The following GOLGA5 variants were observed in gnomAD, a reference collection of about 807,000 sequenced individuals.
The protein encoded by GOLGA5 is golgin A5, also known as golgin subfamily A member 5.
Under a neutral mutation model 93.5 loss-of-function variants are expected in GOLGA5, and 50 were observed. The observed-to-expected ratio is 0.53, with a 90% CI of 0.43 to 0.68. GOLGA5 has a LOEUF of 0.68. GOLGA5 is among the 30% of genes least tolerant of loss of function. The probability of loss-of-function intolerance (pLI) is 0.00; values close to 1 mark genes in which losing one functional copy is unlikely to be tolerated. For synonymous variants in GOLGA5, 312 were observed against 304.5 expected (o/e 1.02, Z -0.26); for missense variants, 760 against 856.4 (o/e 0.89, Z 1.40).
At chr14:92,802,225 A>T (rs1003952885) in intron 2 of GOLGA5, among the ~76,000 whole-genome samples, 1 of 152,130 alleles carries the variant, frequency 6.6e-6, no homozygotes, top group African/African-American at 2.4e-5. Context: ...CTCCATAAAG[A>T]TCTTATATAC....
At chr14:92,816,019 T>C (rs1040453210) in intron 6 of GOLGA5, among the ~76,000 whole-genome samples, 1 of 152,270 alleles carries the variant, frequency 6.6e-6, no homozygotes, top group South Asian at 2.1e-4. Flanking sequence ...AAAAAAAATC[T>C]TATTCATAAC....
chr14:92,820,727 C>T (rs1035448558), intron 8 of GOLGA5, among the ~76,000 whole-genome samples: 7 of 152,126 alleles, frequency 4.6e-5, no homozygotes, highest in Non-Finnish European at 5.9e-5. Flanking sequence ...TGGAGAATGG[C>T]GATGACTTTT....
At chr14:92,817,999 C>T (rs751313386) in intron 7 of GOLGA5, among the ~76,000 whole-genome samples, 1 of 151,962 alleles carries the variant, frequency 6.6e-6, no homozygotes, top group Non-Finnish European at 1.5e-5. Flanking sequence ...TATTGTTATT[C>T]ATTAAAGTAG....
At chr14:92,810,461 C>T (rs1040833) in intron 5 of GOLGA5, 84 bp downstream of exon 5, 743,670 of 985,288 alleles carry the variant, frequency 0.75, 283,589 homozygotes, top group African/African-American at 0.91. Flanking sequence ...CATTAACTGT[C>T]TAATATAATT....
Position 92,838,974 on chromosome 14 carries a change from AT to A in GOLGA5, c.2116-388del, listed in dbSNP as rs1252040079. 4.6e-5 allele frequency among the ~76,000 whole-genome samples: 7 copies of A among 152,276 alleles called. No homozygotes were observed. In the South Asian group the frequency reaches 1.5e-3, roughly 32 times the overall value. ...ACGACACATTATTTCTGTCTAGAAT[AT>A]TTTCCCATCTCTTCTTCACCGAACA... On this transcript the variant is annotated intron_variant, in intron 12 of 12. Transcript: ENST00000163416.
intron 2 of GOLGA5, among the ~76,000 whole-genome samples, chr14:92,805,827 TTTA>T (rs1210663905): frequency 1.3e-5 from 2 of 151,320 alleles, no homozygotes; most frequent in South Asian, 2.1e-4. Context: ...TTTAGTCAGT[TTTA>T]TTATTTAGAT....
Position 92,837,383 on chromosome 14 carries a change from C to T in GOLGA5, c.2052-3C>T, listed in dbSNP as rs1441640445. On this transcript the variant is annotated splice_polypyrimidine_tract_variant and splice_region_variant and intron_variant, in intron 11 of 12. Transcript: ENST00000163416. ...TCTCCCCCTCACACCTGTGTCTGCACAGTATTCGCCTGGGAATTTTTCTCC... is the reference window on the plus strand; with the variant it reads ...TCTCCCCCTCACACCTGTGTCTGCATAGTATTCGCCTGGGAATTTTTCTCC... 1.3e-6 allele frequency: 2 copies of T among 1,495,348 alleles called. No homozygotes were observed. Among genetic ancestry groups the T allele is most frequent in the Non-Finnish European group, 1.9e-6 (2 of 1,073,890 alleles). The allele number at this position is 1,495,348 out of a possible 1,614,324, so 92.6% of individuals were successfully genotyped here. A position where few individuals can be genotyped will look rare whatever the true frequency, so the allele number is the denominator to read the frequency against.
intron 9 of GOLGA5, among the ~76,000 whole-genome samples, chr14:92,830,203 A>G (rs552358107): frequency 6.6e-6 from 1 of 152,264 alleles, no homozygotes; most frequent in Non-Finnish European, 1.5e-5. Context: ...CTGTGATCCC[A>G]GCTATTCAGG....
chr14:92,802,479 A>G (rs1458327674), intron 2 of GOLGA5, among the ~76,000 whole-genome samples: 3 of 152,070 alleles, frequency 2.0e-5, no homozygotes, highest in Non-Finnish European at 4.4e-5. Context: ...TCTTTTAAAA[A>G]ATCCTTTTCT....
chr14:92,818,387 T>G (rs1885251551), intron 7 of GOLGA5, among the ~76,000 whole-genome samples: 1 of 152,218 alleles, frequency 6.6e-6, no homozygotes, highest in South Asian at 2.1e-4. Flanking sequence ...TGAAGAAATT[T>G]AGGCATGGAG....
intron 2 of GOLGA5, among the ~76,000 whole-genome samples, chr14:92,806,504 G>A (rs150614893): frequency 3.2e-3 from 482 of 152,144 alleles, no homozygotes; most frequent in Middle Eastern, 0.014. Flanking sequence ...GTAGAGATGG[G>A]GTTTCACCGT....
At chr14:92,808,407 G>A (rs1885035292) in intron 3 of GOLGA5, among the ~76,000 whole-genome samples, 1 of 152,214 alleles carries the variant, frequency 6.6e-6, no homozygotes, top group African/African-American at 2.4e-5. Context: ...GGCTGAGATG[G>A]GAAAATTGCT....
At chr14:92,799,619 T>A (rs915778822) in intron 2 of GOLGA5, among the ~76,000 whole-genome samples, 7 of 150,342 alleles carry the variant, frequency 4.7e-5, no homozygotes, top group African/African-American at 9.8e-5. Context: ...TTATTTATTT[T>A]TTTGTGAGAC....
At chr14:92,834,184 C>CTTTTT (rs35449807) in intron 10 of GOLGA5, among the ~76,000 whole-genome samples, 3 of 135,054 alleles carry the variant, frequency 2.2e-5, no homozygotes, top group Non-Finnish European at 4.9e-5. Flanking sequence ...TAGGTTTCAC[C>CTTTTT]TTTTTTTTTT....
intron 11 of GOLGA5, 111 bp from the exon 12 acceptor site, chr14:92,837,271 CATAA>C (rs1473505074): frequency 2.0e-5 from 12 of 585,734 alleles, no homozygotes; most frequent in African/African-American, 5.7e-5. Context: ...GTGGTAGCCA[CATAA>C]ATAGTTTAAA....
rs1884762915 is a variant in GOLGA5 at position 92,797,571 on chromosome 14, T to C, written c.134T>C (p.Leu45Pro). 4 of 1,613,642 alleles carry C rather than the reference T, an allele frequency of 2.5e-6. No individual in the cohort carries two copies. The highest frequency in any genetic ancestry group is 1.7e-6 in the Non-Finnish European group (2 of 1,179,556). ...IYSKNTDYTE[L>P]HQQNTDLIYQ... Reference sequence around the variant, plus strand: ...AGCAAAAATACTGACTATACTGAACTTCACCAGCAAAATACAGATTTGATA... The same window carrying C: ...AGCAAAAATACTGACTATACTGAACCTCACCAGCAAAATACAGATTTGATA... Residue 45 changes from leucine (L) to proline (P), a missense_variant, in exon 2 of 13, where the codon CTT (leucine) becomes CCT (proline). Transcript: ENST00000163416.
intron 8 of GOLGA5, among the ~76,000 whole-genome samples, chr14:92,822,438 T>C (rs1270732543): frequency 6.6e-6 from 1 of 152,228 alleles, no homozygotes; most frequent in Non-Finnish European, 1.5e-5. Context: ...TTTGGACACA[T>C]TTTTGGATTG....
chr14:92,819,942 G>A, intron 8 of GOLGA5, 106 bp downstream of exon 8: 1 of 1,082,028 alleles, frequency 9.2e-7, no homozygotes, highest in Non-Finnish European at 1.3e-6. Flanking sequence ...ATGGGCTTAG[G>A]GTTACCCCAC....
intron 6 of GOLGA5, among the ~76,000 whole-genome samples, chr14:92,815,601 CT>C (rs1185396401): frequency 6.6e-6 from 1 of 151,818 alleles, no homozygotes; most frequent in Non-Finnish European, 1.5e-5. Context: ...CTTTGGGAGG[CT>C]GAGGCAGGAG....
Sources: allele counts gnomAD v4.1 joint callset (sites outside exome capture counted in the v4.1 genomes callset), GRCh38; gene constraint gnomAD v4.1.1; transcripts MANE v1.5; gene names NCBI Gene and HGNC (gene_info 2026-07-23, HGNC 2026-07-21).